NSUN6: variants seen among roughly 807,000 people sequenced by gnomAD.
NSUN6 encodes NOP2/Sun RNA methyltransferase 6, also known as tRNA (cytosine(72)-C(5))-methyltransferase NSUN6.
In NSUN6, 64 loss-of-function variants were observed where a neutral mutation model predicts 58.0. That is an observed-to-expected ratio of 1.10 (90% CI 0.90 to 1.36). NSUN6 has a LOEUF of 1.36. NSUN6 is among the 40% of genes most tolerant of loss of function. The pLI, the probability that NSUN6 is intolerant of heterozygous loss-of-function variation, is 0.00. For missense variants in NSUN6, 701 were observed against 550.1 expected (o/e 1.27, Z -2.74); for synonymous variants, 231 against 193.9 (o/e 1.19, Z -1.59).
At chr10:18,652,183 C>T, upstream of NSUN6, 1 of 985,128 alleles carries the variant, frequency 1.0e-6, no homozygotes, top group Non-Finnish European at 1.2e-6. Flanking sequence ...TCATAGTTGA[C>T]ATATTCTTTA....
chr10:18,579,897 G>C (rs924030447), intron 8 of NSUN6, among the ~76,000 whole-genome samples: 5 of 152,144 alleles, frequency 3.3e-5, no homozygotes, highest in Admixed American at 2.0e-4. Flanking sequence ...GGTGAGCAGA[G>C]GGATAACTTT....
chr10:18,587,392 T>G (rs1394640681), intron 7 of NSUN6, among the ~76,000 whole-genome samples: 2 of 152,164 alleles, frequency 1.3e-5, no homozygotes, highest in Non-Finnish European at 2.9e-5. Flanking sequence ...CTGTATAGCA[T>G]AGCAAAATAT....
chr10:18,649,405 T>G (rs375335761), intron 1 of NSUN6, among the ~76,000 whole-genome samples: 19 of 152,240 alleles, frequency 1.2e-4, no homozygotes, highest in African/African-American at 4.6e-4. Context: ...TTCTCAAGGT[T>G]TAGTCTTATC....
intron 8 of NSUN6, among the ~76,000 whole-genome samples, chr10:18,573,983 G>A (rs1160232897): frequency 6.6e-6 from 1 of 152,092 alleles, no homozygotes; most frequent in Non-Finnish European, 1.5e-5. Context: ...TTCTGAGGAA[G>A]TTAATCAAGT....
intron 3 of NSUN6, among the ~76,000 whole-genome samples, chr10:18,640,380 A>G (rs1344473466): frequency 6.6e-6 from 1 of 152,238 alleles, no homozygotes; most frequent in East Asian, 1.9e-4. Context: ...TCTATAAAGA[A>G]AAACCTAATT....
chr10:18,632,783 T>C (rs1366890863), intron 3 of NSUN6, among the ~76,000 whole-genome samples: 6 of 152,074 alleles, frequency 3.9e-5, no homozygotes, highest in South Asian at 2.1e-4. Flanking sequence ...TGTGGAGAAA[T>C]AGGAACAATT....
At chr10:18,603,073 A>G (rs1323198109) in intron 6 of NSUN6, among the ~76,000 whole-genome samples, 1 of 152,104 alleles carries the variant, frequency 6.6e-6, no homozygotes, top group African/African-American at 2.4e-5. Flanking sequence ...CAAGCAGATC[A>G]CTTGAGGCCA....
At chr10:18,555,844 A>G (rs12355426) in intron 8 of NSUN6, among the ~76,000 whole-genome samples, 90,263 of 147,918 alleles carry the variant, frequency 0.61, 27,749 homozygotes, top group East Asian at 0.96. Flanking sequence ...GAATGGAGAA[A>G]AATGGAATGG....
upstream of NSUN6, chr10:18,652,170 G>A (rs1296820099): frequency 5.1e-6 from 5 of 984,968 alleles, no homozygotes; most frequent in Non-Finnish European, 6.0e-6. Flanking sequence ...ACTGCTACTT[G>A]TATCATAGTT....
At chr10:18,642,225 GA>G (rs373343523) in intron 3 of NSUN6, among the ~76,000 whole-genome samples, 54 of 151,538 alleles carry the variant, frequency 3.6e-4, no homozygotes, top group East Asian at 2.0e-3. Flanking sequence ...GTGGGGGGGG[GA>G]AAACATCACT....
At chr10:18,627,332 T>C (rs1449763517) in intron 3 of NSUN6, among the ~76,000 whole-genome samples, 2 of 152,152 alleles carry the variant, frequency 1.3e-5, no homozygotes, top group Non-Finnish European at 2.9e-5. Context: ...ATCGAGCTTT[T>C]AGTAAAAAAT....
intron 8 of NSUN6, among the ~76,000 whole-genome samples, chr10:18,563,924 T>C (rs930207065): frequency 2.2e-4 from 34 of 151,186 alleles, no homozygotes; most frequent in African/African-American, 7.8e-4. Flanking sequence ...CTCCATTCCA[T>C]TCCACGTCAT....
chr10:18,634,852 A>AG (rs977670668), intron 3 of NSUN6, among the ~76,000 whole-genome samples: 15 of 152,164 alleles, frequency 9.9e-5, no homozygotes, highest in African/African-American at 3.6e-4. Flanking sequence ...CAGAAAAAAA[A>AG]AAGTTAAAGT....
At chr10:18,619,549 T>A (rs2058527267) in intron 3 of NSUN6, among the ~76,000 whole-genome samples, 1 of 152,218 alleles carries the variant, frequency 6.6e-6, no homozygotes, top group East Asian at 1.9e-4. Context: ...TTTTCAATTA[T>A]TCTGCATTCC....
intron 8 of NSUN6, among the ~76,000 whole-genome samples, chr10:18,564,327 T>G (rs566868046): frequency 1.3e-5 from 2 of 151,310 alleles, no homozygotes; most frequent in African/African-American, 2.4e-5. Flanking sequence ...CCGCATTCCT[T>G]TCCATTCTCC....
chr10:18,560,479 G>A (rs1354875827), intron 8 of NSUN6, among the ~76,000 whole-genome samples: 1 of 150,794 alleles, frequency 6.6e-6, no homozygotes, highest in Non-Finnish European at 1.5e-5. Flanking sequence ...AAGGAATGGA[G>A]AATGGAATGG....
chr10:18,568,240 A>G (rs11816948), intron 8 of NSUN6, among the ~76,000 whole-genome samples: 92,320 of 150,560 alleles, frequency 0.61, 28,540 homozygotes, highest in East Asian at 0.97. Context: ...TTCATTCTCT[A>G]CCATTCTCTG....
intron 4 of NSUN6, among the ~76,000 whole-genome samples, chr10:18,615,595 G>T (rs1436077505): frequency 2.0e-5 from 3 of 152,182 alleles, no homozygotes; most frequent in African/African-American, 4.8e-5. Flanking sequence ...TGGCCAGGAG[G>T]TAGTAGTTGA....
At chr10:18,625,715 T>C (rs2058771989) in intron 3 of NSUN6, among the ~76,000 whole-genome samples, 1 of 115,394 alleles carries the variant, frequency 8.7e-6, no homozygotes, top group South Asian at 3.0e-4. Context: ...TATGTGTTTT[T>C]TTTTTAAAAA....
Sources: gnomAD v4.1 joint callset for allele counts (sites outside exome capture counted in the v4.1 genomes callset) on GRCh38, gnomAD v4.1.1 for gene constraint, MANE v1.5 for transcripts, NCBI Gene and HGNC (gene_info 2026-07-23, HGNC 2026-07-21) for gene names.